Variants in SBK1 observed in about 807,000 individuals in gnomAD.
SBK1 encodes serine/threonine-protein kinase SBK1.
In SBK1, 11 loss-of-function variants were observed where a neutral mutation model predicts 24.4. That is an observed-to-expected ratio of 0.45 (90% confidence interval 0.28 to 0.75). SBK1 has a LOEUF of 0.75. Among genes scored for constraint, SBK1 ranks in the 30% least tolerant of loss-of-function variants. The pLI, the probability that SBK1 is intolerant of heterozygous loss-of-function variation, is 0.12. For synonymous variants in SBK1, 308 were observed against 284.4 expected (o/e 1.08, Z -0.83); for missense variants, 467 against 620.5 (o/e 0.75, Z 2.63).
At chr16:28,264,190 T>C (rs1261489628) in intron 1 of SBK1, among the ~76,000 whole-genome samples, 1 of 152,110 alleles carries the variant, frequency 6.6e-6, no homozygotes, top group East Asian at 1.9e-4. Flanking sequence ...AATTTTCTGA[T>C]GGGTCAGAGG....
chr16:28,270,864 TTTATTTATTTA>T (rs989851281), intron 1 of SBK1, among the ~76,000 whole-genome samples: 3 of 151,160 alleles, frequency 2.0e-5, no homozygotes, highest in East Asian at 2.0e-4. Context: ...TATTTATTTA[TTTATTTATTTA>T]TTTTTTGAGA....
chr16:28,307,725 G>C (rs1388459890), intron 1 of SBK1, among the ~76,000 whole-genome samples: 7 of 139,200 alleles, frequency 5.0e-5, no homozygotes, highest in Non-Finnish European at 1.1e-4. Context: ...GGGCAACAGA[G>C]TGAGACTCAG....
chr16:28,323,719 CT>C lies in SBK1; in HGVS notation c.*2800del, dbSNP rs1181115467. 1.8e-4 allele frequency: 28 copies of C among 152,928 alleles called. No homozygotes were observed. The highest frequency in any genetic ancestry group is 6.7e-4 in the African/African-American group (28 of 41,588). 9.5% of individuals were successfully genotyped at this position (152,928 alleles called of 1,614,324 possible). On this transcript the variant is annotated 3_prime_UTR_variant, in exon 4 of 4. Coordinates refer to ENST00000341901, the MANE Select transcript of SBK1 (RefSeq NM_001024401.3). The stretch of plus-strand genomic sequence containing the variant: ...GCCCCAGAGCCCCAGCCCCTCATGT[CT>C]TGCCGCCCTTCCTCCATGTGTTTGT...
chr16:28,317,457 C>T lies in SBK1; in HGVS notation c.66C>T (p.Ala22=). The stretch of plus-strand genomic sequence containing the variant: ...TGACCTGCTGTGGGCCGGGGACTGC[C>T]CCTGGGCCTGGTGCCGGTGTGCCCC... The part of the protein sequence containing the change: ...RSLTCCGPGT[A]PGPGAGVPLL... The change falls in exon 2 of 4, where the codon GCC becomes GCT. Residue 22 remains alanine (A), a synonymous_variant. Transcript: ENST00000341901. The surrounding 1 kb of genome is among the most constrained non-coding windows in gnomAD (Gnocchi z 4.2). The T allele has an allele frequency of 6.2e-7, 1 of 1,614,102 alleles. No individual in the cohort carries two copies. Among genetic ancestry groups the T allele is most frequent in the Non-Finnish European group, 8.5e-7 (1 of 1,180,018 alleles).
chr16:28,320,523 C>G lies in SBK1; in HGVS notation c.877C>G (p.Gln293Glu). The G allele has an allele frequency of 3.2e-6, 5 of 1,567,434 alleles. No individual in the cohort carries two copies. Among genetic ancestry groups the G allele is most frequent in the Non-Finnish European group, 4.3e-6 (5 of 1,163,294 alleles). Residue 293 changes from glutamine (Q) to glutamate (E), a missense_variant, in exon 4 of 4, where the codon CAG (glutamine) becomes GAG (glutamate). This residue lies in a region of SBK1 where 86 missense variants were observed against 121.7 expected (regional missense o/e 0.71). Coordinates refer to ENST00000341901, the MANE Select transcript of SBK1 (RefSeq NM_001024401.3). The surrounding 1 kb of genome is among the most constrained non-coding windows in gnomAD (Gnocchi z 8.5). Reference sequence around the variant, plus strand: ...CACCGAGCCCGCGCTGCGCATGTTCCAGCGCTTACTGGCCCTGGAGCCCGA... The same window carrying G: ...CACCGAGCCCGCGCTGCGCATGTTCGAGCGCTTACTGGCCCTGGAGCCCGA... ...RFTEPALRMF[Q>E]RLLALEPERR...
chr16:28,283,882 G>T (rs1370136172), intron 1 of SBK1, among the ~76,000 whole-genome samples: 1 of 152,086 alleles, frequency 6.6e-6, no homozygotes, highest in African/African-American at 2.4e-5. Context: ...TTTTCCCAGG[G>T]TCTTCTCTGG....
At chr16:28,309,521 C>T (rs918129433) in intron 1 of SBK1, among the ~76,000 whole-genome samples, 1 of 152,134 alleles carries the variant, frequency 6.6e-6, no homozygotes, top group East Asian at 1.9e-4. Flanking sequence ...CAGCCCTTTA[C>T]GTTTACTCAA....
upstream of SBK1, among the ~76,000 whole-genome samples, chr16:28,289,245 A>G (rs918637057): frequency 6.6e-6 from 1 of 152,196 alleles, no homozygotes; most frequent in Non-Finnish European, 1.5e-5. Context: ...TGCACACCCA[A>G]TAACTCAAAT....
intron 1 of SBK1, among the ~76,000 whole-genome samples, chr16:28,268,522 GGAGGCT>G (rs2044444103): frequency 6.6e-6 from 1 of 151,836 alleles, no homozygotes; most frequent in African/African-American, 2.4e-5. Context: ...CAGCACTTTG[GGAGGCT>G]GAGGCGGGTG....
chr16:28,309,691 G>T (rs2044740907), intron 1 of SBK1, among the ~76,000 whole-genome samples: 1 of 152,148 alleles, frequency 6.6e-6, no homozygotes, highest in African/African-American at 2.4e-5. Flanking sequence ...GAGCCTGGGG[G>T]TTCAAGACCA....
chr16:28,309,375 G>A (rs950616743), intron 1 of SBK1, among the ~76,000 whole-genome samples: 1 of 152,210 alleles, frequency 6.6e-6, no homozygotes, highest in African/African-American at 2.4e-5. Context: ...CGACTTTGTA[G>A]TATAGGAGAG....
intron 1 of SBK1, among the ~76,000 whole-genome samples, chr16:28,283,931 C>T (rs1025297636): frequency 2.6e-5 from 4 of 152,190 alleles, no homozygotes; most frequent in South Asian, 4.1e-4. Context: ...TGCTGCCTCC[C>T]CTCCTCCCCA....
Position 28,321,874 on chromosome 16 carries a change from G to C in SBK1, c.*953G>C, listed in dbSNP as rs907501556. The C allele has an allele frequency of 6.6e-6, 1 of 152,158 alleles. No homozygotes were observed. Among genetic ancestry groups the C allele is most frequent in the African/African-American group, 2.4e-5 (1 of 41,382 alleles). The allele number at this position is 152,158 out of a possible 1,614,324, so 9.4% of individuals were successfully genotyped here. A position where few individuals can be genotyped will look rare whatever the true frequency, so the allele number is the denominator to read the frequency against. ...GTCCCAGGCCCAGGGACCTCTGCCG[G>C]GTCCTCCCAGCCCTTGCCACACAGC... On this transcript the variant is annotated 3_prime_UTR_variant, in exon 4 of 4. Transcript: ENST00000341901.
chr16:28,267,380 C>G (rs1222822669), intron 1 of SBK1, among the ~76,000 whole-genome samples: 3 of 152,180 alleles, frequency 2.0e-5, no homozygotes, highest in Non-Finnish European at 4.4e-5. Flanking sequence ...TCTGACCACA[C>G]CTGGGAAAGG....
intron 1 of SBK1, among the ~76,000 whole-genome samples, chr16:28,275,838 C>G (rs1232065327): frequency 6.6e-6 from 1 of 151,668 alleles, no homozygotes; most frequent in African/African-American, 2.4e-5. Context: ...CACTGCACCA[C>G]TGCACTCCAG....
At position 28,320,740 on chromosome 16, in the gene SBK1, C is replaced by A; in HGVS notation, c.1094C>A (p.Pro365His). The change falls in exon 4 of 4, where the codon CCC (proline) becomes CAC (histidine). Residue 365 changes from proline (P) to histidine (H), a missense_variant. Transcript: ENST00000341901. This position sits in a 1 kb window ranked among gnomAD's most constrained non-coding sequence, Gnocchi z 8.5. ...ACCGAGAGCGGCAGCGGCTCCCGGC[C>A]CGCGCCCCCCGCCGTCGGGTCGGTG... is the stretch of plus-strand genomic sequence containing the variant. ...VLTESGSGSR[P>H]APPAVGSVPL... 8.3e-7 allele frequency: 1 copy of A among 1,204,602 alleles called. No individual in the cohort carries two copies. Among genetic ancestry groups the A allele is most frequent in the Non-Finnish European group, 1.0e-6 (1 of 963,332 alleles). 74.6% of individuals were successfully genotyped at this position (1,204,602 alleles called of 1,614,324 possible). A position where few individuals can be genotyped will look rare whatever the true frequency, so the allele number is the denominator to read the frequency against.
intron 1 of SBK1, among the ~76,000 whole-genome samples, chr16:28,312,124 A>T (rs1050255637): frequency 1.3e-5 from 2 of 152,240 alleles, no homozygotes; most frequent in Non-Finnish European, 2.9e-5. Context: ...AAAGTAGGTC[A>T]GGGGAGCAGC....
chr16:28,290,600 A>G (rs1224256950), upstream of SBK1: 1 of 152,092 alleles, frequency 6.6e-6, no homozygotes, highest in African/African-American at 2.4e-5. Flanking sequence ...GTGCCATTGC[A>G]CTCCAGGCTG....
At position 28,319,099 on chromosome 16, in the gene SBK1, A is replaced by G. The variant is rs2141591992; in HGVS notation, c.331A>G (p.Ile111Val). The change falls in exon 3 of 4, where the codon ATC becomes GTC. Residue 111 changes from isoleucine (I) to valine (V), a missense_variant. Ile to Val is a conservative substitution (Grantham distance 29). Transcript: ENST00000341901. The surrounding 1 kb of genome is among the most constrained non-coding windows in gnomAD (Gnocchi z 4.0). ...CAGCCTCTCCTCCAGCCCCTTCATC[A>G]TCAAGGTCTTTGACGTGGTCTTTGA... ...TNSLSSSPFI[I>V]KVFDVVFETE... 6.2e-7 allele frequency: 1 copy of G among 1,614,046 alleles called. No homozygotes were observed.
Sources: gnomAD v4.1 joint callset for allele counts (sites outside exome capture counted in the v4.1 genomes callset) on GRCh38, gnomAD v4.1.1 for gene constraint, gnomAD v4.1.1 regional missense constraint, Gnocchi (gnomAD v3.1) non-coding constraint, MANE v1.5 for transcripts, NCBI Gene and HGNC (gene_info 2026-07-23, HGNC 2026-07-21) for gene names.